PRPSAP2: variants seen among roughly 807,000 people sequenced by gnomAD.
The protein encoded by PRPSAP2 is phosphoribosyl pyrophosphate synthetase associated protein 2, also known as phosphoribosyl pyrophosphate synthase-associated protein 2.
Under a neutral mutation model 40.6 loss-of-function variants are expected in PRPSAP2, and 24 were observed. The ratio of observed to expected loss-of-function variants is 0.59; its 90% CI spans 0.43 to 0.83. PRPSAP2 has a LOEUF of 0.83. PRPSAP2 is among the 40% of genes least tolerant of loss of function. The pLI, the probability that PRPSAP2 is intolerant of heterozygous loss-of-function variation, is 0.00. For missense variants in PRPSAP2, 292 were observed against 465.6 expected, an observed-to-expected ratio of 0.63 and a Z score of 3.43; for synonymous variants, 149 against 164.7, an observed-to-expected ratio of 0.90 and a Z score of 0.73.
At chr17:18,885,912 A>G (rs1030535984) in intron 7 of PRPSAP2, among the ~76,000 whole-genome samples, 31 of 152,072 alleles carry the variant, frequency 2.0e-4, no homozygotes, top group African/African-American at 7.2e-4. Flanking sequence ...TAGTAGAGAT[A>G]GGGTTTCACC....
chr17:18,896,413 G>T (rs1381753998), intron 8 of PRPSAP2, among the ~76,000 whole-genome samples: 1 of 152,056 alleles, frequency 6.6e-6, no homozygotes, highest in East Asian at 1.9e-4. Flanking sequence ...TCTCCCAGCA[G>T]CTTACAACTC....
At chr17:18,913,512 GTCAC>G (rs796192853) in intron 9 of PRPSAP2, among the ~76,000 whole-genome samples, 9 of 145,494 alleles carry the variant, frequency 6.2e-5, no homozygotes, top group African/African-American at 2.3e-4. Context: ...GGGTCATTGA[GTCAC>G]TGTCTTGATG....
chr17:18,930,353 G>A (rs559843115), intron 11 of PRPSAP2, among the ~76,000 whole-genome samples, 187 bp from the exon 12 acceptor site: 1 of 152,260 alleles, frequency 6.6e-6, no homozygotes, highest in Admixed American at 6.5e-5. Flanking sequence ...CAGGCTGAGC[G>A]ACAGAGCAAG....
chr17:18,867,905 G>C (rs575770701), intron 4 of PRPSAP2, among the ~76,000 whole-genome samples: 1 of 152,150 alleles, frequency 6.6e-6, no homozygotes, highest in Non-Finnish European at 1.5e-5. Context: ...GGGAGGCTGA[G>C]GCAGGCAGAT....
At chr17:18,917,716 C>CG (rs1355798037) in intron 9 of PRPSAP2, among the ~76,000 whole-genome samples, 1 of 149,622 alleles carries the variant, frequency 6.7e-6, no homozygotes, top group Non-Finnish European at 1.5e-5. Flanking sequence ...GGATTACAGG[C>CG]GCCCGGCCAA....
intron 9 of PRPSAP2, among the ~76,000 whole-genome samples, chr17:18,917,765 C>T (rs1446900628): frequency 6.6e-6 from 1 of 151,062 alleles, no homozygotes; most frequent in Non-Finnish European, 1.5e-5. Context: ...AGGGAGGGGA[C>T]TGATGGGAAG....
intron 7 of PRPSAP2, among the ~76,000 whole-genome samples, chr17:18,887,881 G>T: frequency 6.6e-5 from 2 of 30,454 alleles, no homozygotes; most frequent in Non-Finnish European, 8.0e-5. Flanking sequence ...TAATTCTTGG[G>T]TGTTTCTCAC....
At chr17:18,922,575 C>T (rs1396301174) in intron 9 of PRPSAP2, among the ~76,000 whole-genome samples, 2 of 151,178 alleles carry the variant, frequency 1.3e-5, no homozygotes, top group African/African-American at 4.9e-5. Flanking sequence ...CTGTTGAAAT[C>T]CTTTGCCCAT....
At chr17:18,880,441 C>T (rs745833856) in intron 6 of PRPSAP2, among the ~76,000 whole-genome samples, 6 of 152,024 alleles carry the variant, frequency 3.9e-5, no homozygotes, top group Non-Finnish European at 5.9e-5. Flanking sequence ...TCCTCTTGCC[C>T]GGGCTGGGGT....
At chr17:18,917,489 C>G (rs533047130) in intron 9 of PRPSAP2, 1 of 143,026 alleles carries the variant, frequency 7.0e-6, no homozygotes, top group Non-Finnish European at 1.5e-5. Flanking sequence ...CAGGTTCAGG[C>G]GATTCTCCTG....
intron 8 of PRPSAP2, among the ~76,000 whole-genome samples, chr17:18,900,862 A>G (rs994187906): frequency 2.6e-5 from 4 of 152,118 alleles, no homozygotes; most frequent in Non-Finnish European, 5.9e-5. Context: ...TACCACTGCA[A>G]TGGAGAGGGG....
chr17:18,923,415 T>C (rs2041809599), intron 9 of PRPSAP2, among the ~76,000 whole-genome samples: 1 of 152,154 alleles, frequency 6.6e-6, no homozygotes, highest in Non-Finnish European at 1.5e-5. Flanking sequence ...GTGGAATTGC[T>C]TTCTCAATTC....
intron 4 of PRPSAP2, among the ~76,000 whole-genome samples, chr17:18,869,789 AT>A (rs36014797): frequency 0.2 from 29,663 of 145,790 alleles, 3,598 homozygotes; most frequent in East Asian, 0.54. Flanking sequence ...TTTTTCCAAC[AT>A]TTTTTTTTTT....
intron 8 of PRPSAP2, chr17:18,908,582 T>A: frequency 1.4e-6 from 1 of 731,002 alleles, no homozygotes; most frequent in South Asian, 1.5e-5. Flanking sequence ...CTCTTCACGC[T>A]GATAATGGAG....
intron 5 of PRPSAP2, among the ~76,000 whole-genome samples, chr17:18,875,965 C>T (rs1385233897): frequency 1.3e-5 from 2 of 151,998 alleles, no homozygotes; most frequent in African/African-American, 4.8e-5. Flanking sequence ...GAAACGCTCT[C>T]TCTGCTAAAA....
chr17:18,897,759 G>A (rs978847103), intron 8 of PRPSAP2, among the ~76,000 whole-genome samples: 3 of 149,322 alleles, frequency 2.0e-5, no homozygotes, highest in Non-Finnish European at 4.5e-5. Context: ...CACCACGCCC[G>A]GCCCTCTATA....
intron 3 of PRPSAP2, among the ~76,000 whole-genome samples, chr17:18,866,519 A>G (rs2037444212): frequency 6.6e-6 from 1 of 152,190 alleles, no homozygotes; most frequent in Non-Finnish European, 1.5e-5. Flanking sequence ...AGATTGCACC[A>G]CTGCACTCCA....
At chr17:18,867,737 T>A (rs539790262) in intron 4 of PRPSAP2, among the ~76,000 whole-genome samples, 1 of 152,366 alleles carries the variant, frequency 6.6e-6, no homozygotes, top group South Asian at 2.1e-4. Context: ...TATTTGCACC[T>A]AAGCTGCCTT....
chr17:18,865,436 A>T (rs2037358054), intron 1 of PRPSAP2, 33 bp from the exon 2 acceptor site: 1 of 152,322 alleles, frequency 6.6e-6, no homozygotes, highest in African/African-American at 2.4e-5. Context: ...GTTCTCGCTA[A>T]TGGCTCTGCC....
Sources: allele counts gnomAD v4.1 joint callset (sites outside exome capture counted in the v4.1 genomes callset), GRCh38; gene constraint gnomAD v4.1.1; transcripts MANE v1.5; gene names NCBI Gene and HGNC (gene_info 2026-07-23, HGNC 2026-07-21).